Variants in CHRM3 observed in about 807,000 individuals in gnomAD.
CHRM3 encodes the protein muscarinic acetylcholine receptor M3.
CHRM3 carries 11 observed loss-of-function variants against 41.8 expected under a neutral mutation model. The ratio of observed to expected loss-of-function variants is 0.26; its 90% confidence interval spans 0.17 to 0.44. The LOEUF (loss-of-function observed/expected upper bound fraction) is 0.44, where lower values mean the gene tolerates loss of function less well. Ranked by LOEUF, CHRM3 falls within the 20% of genes least tolerant of loss-of-function variation. The pLI is 1.00. For missense variants in CHRM3, 571 were observed against 745.4 expected (o/e 0.77, Z 2.72); for synonymous variants, 297 against 301.4 (o/e 0.99, Z 0.15).
rs1233732185 is a variant in CHRM3 at position 239,824,324 on chromosome 1, C to T, written c.-146-2928C>T. ...GACCAAAGATTGCACAAGGTGGACTCGGTGCCTTCAATCGAGGTGTTTCAA... is the reference window on the plus strand; with the variant it reads ...GACCAAAGATTGCACAAGGTGGACTTGGTGCCTTCAATCGAGGTGTTTCAA... On this transcript the variant is annotated intron_variant, in intron 5 of 6. Coordinates refer to ENST00000676153, the MANE Select transcript of CHRM3 (RefSeq NM_001375978.1). Among the ~76,000 whole-genome samples, 14 of 152,258 alleles carry T rather than the reference C, an allele frequency of 9.2e-5. 1 individual carries two copies. The South Asian group carries it at 2.5e-3, about 27-fold the overall frequency.
At chr1:239,480,364 T>G (rs149528422) in intron 1 of CHRM3, among the ~76,000 whole-genome samples, 21 of 152,258 alleles carry the variant, frequency 1.4e-4, no homozygotes, top group African/African-American at 5.1e-4. Flanking sequence ...TTAAGCCCTG[T>G]GCAAAGATTG....
chr1:239,420,958 T>C (rs921780586), intron 1 of CHRM3, among the ~76,000 whole-genome samples: 1 of 152,196 alleles, frequency 6.6e-6, no homozygotes, highest in African/African-American at 2.4e-5. Flanking sequence ...GTGATTCTCC[T>C]TAAGAAATTT....
intron 5 of CHRM3, among the ~76,000 whole-genome samples, chr1:239,759,682 G>A (rs1433531849): frequency 1.3e-5 from 2 of 152,112 alleles, no homozygotes; most frequent in East Asian, 3.9e-4. Context: ...AAAAACAGAT[G>A]TGGTCATGCC....
intron 6 of CHRM3, among the ~76,000 whole-genome samples, chr1:239,842,454 C>T (rs773392262): frequency 1.3e-5 from 2 of 152,060 alleles, no homozygotes; most frequent in East Asian, 1.9e-4. Context: ...AGGTTAGTCT[C>T]GAACTCCTGA....
At chr1:239,798,225 T>C (rs1017213241) in intron 5 of CHRM3, among the ~76,000 whole-genome samples, 1 of 152,182 alleles carries the variant, frequency 6.6e-6, no homozygotes, top group Non-Finnish European at 1.5e-5. Context: ...ATATAAAATA[T>C]GCAAAATCTC....
chr1:239,896,362 A>G lies in CHRM3; in HGVS notation c.-19-11071A>G, dbSNP rs367836525. Among the ~76,000 whole-genome samples the G allele has an allele frequency of 7.9e-5, 12 of 152,356 alleles. No individual in the cohort carries two copies. The East Asian group carries it at 1.4e-3, about 17-fold the overall frequency. ...CCACTGCAATTATTTTGTTTAGTTC[A>G]TGGCATTGCCAACAAGTGGTTTTCC... On this transcript the variant is annotated intron_variant, in intron 6 of 6. Transcript: ENST00000676153.
intron 3 of CHRM3, among the ~76,000 whole-genome samples, chr1:239,584,456 T>G (rs1490859677): frequency 6.6e-6 from 1 of 152,184 alleles, no homozygotes; most frequent in Non-Finnish European, 1.5e-5. Flanking sequence ...AAGATACAAC[T>G]GATTAGCATC....
At chr1:239,869,603 G>T (rs770533330) in intron 6 of CHRM3, among the ~76,000 whole-genome samples, 7 of 152,070 alleles carry the variant, frequency 4.6e-5, no homozygotes, top group Non-Finnish European at 8.8e-5. Context: ...CCTCTGGAAT[G>T]AGCACATCCC....
chr1:239,433,747 G>T (rs1267424375), intron 1 of CHRM3, among the ~76,000 whole-genome samples: 1 of 152,086 alleles, frequency 6.6e-6, no homozygotes, highest in African/African-American at 2.4e-5. Flanking sequence ...ACTTAGAATA[G>T]TAGTCTCCAG....
chr1:239,407,586 T>C (rs1305573358), intron 1 of CHRM3, among the ~76,000 whole-genome samples: 2 of 152,010 alleles, frequency 1.3e-5, no homozygotes, highest in African/African-American at 2.4e-5. Context: ...ATTATTTCCC[T>C]CCAGGGCTTT....
At chr1:239,831,746 G>C (rs1358743112) in intron 6 of CHRM3, among the ~76,000 whole-genome samples, 2 of 152,132 alleles carry the variant, frequency 1.3e-5, no homozygotes, top group Non-Finnish European at 2.9e-5. Flanking sequence ...AGTGCCATGT[G>C]GGAGGGGAGG....
chr1:239,889,408 C>T (rs1572603916), intron 6 of CHRM3, among the ~76,000 whole-genome samples: 1 of 152,130 alleles, frequency 6.6e-6, no homozygotes, highest in East Asian at 1.9e-4. Context: ...ATAACACAAA[C>T]AGGGAAGATG....
At chr1:239,759,234 A>G (rs1483173617) in intron 5 of CHRM3, among the ~76,000 whole-genome samples, 2 of 138,410 alleles carry the variant, frequency 1.4e-5, no homozygotes, top group East Asian at 4.2e-4. Flanking sequence ...ATGCTTTAGC[A>G]GAGATGAAAC....
At chr1:239,673,033 A>G (rs190680098) in intron 4 of CHRM3, among the ~76,000 whole-genome samples, 6 of 152,264 alleles carry the variant, frequency 3.9e-5, no homozygotes, top group African/African-American at 4.8e-5. Flanking sequence ...TTCTTCCTAC[A>G]TGAGACAGAA....
intron 6 of CHRM3, among the ~76,000 whole-genome samples, chr1:239,830,479 G>A (rs990626227): frequency 1.8e-4 from 28 of 152,226 alleles, no homozygotes; most frequent in East Asian, 5.8e-4. Context: ...CGAGGCGGGC[G>A]GATCACGAGC....
At chr1:239,456,671 G>T (rs1300332238) in intron 1 of CHRM3, among the ~76,000 whole-genome samples, 4 of 152,178 alleles carry the variant, frequency 2.6e-5, no homozygotes, top group African/African-American at 9.6e-5. Context: ...GGCCCAATTG[G>T]GGTACCCTGC....
intron 5 of CHRM3, among the ~76,000 whole-genome samples, chr1:239,809,699 A>G (rs944375465): frequency 6.6e-6 from 1 of 151,734 alleles, no homozygotes; most frequent in Non-Finnish European, 1.5e-5. Context: ...GGGTCTCCCT[A>G]TGTTGCCCAG....
chr1:239,819,015 T>C (rs4439347), intron 5 of CHRM3, among the ~76,000 whole-genome samples: 1 of 152,204 alleles, frequency 6.6e-6, no homozygotes, highest in African/African-American at 2.4e-5. Context: ...TGGCCTGGTC[T>C]GCTGGGGCCT....
chr1:239,689,526 C>T (rs1659505659), intron 5 of CHRM3, among the ~76,000 whole-genome samples: 1 of 152,142 alleles, frequency 6.6e-6, no homozygotes, highest in South Asian at 2.1e-4. Flanking sequence ...TATTGCTGCA[C>T]ATTAGAAAAC....
Sources: gnomAD v4.1 joint callset for allele counts (sites outside exome capture counted in the v4.1 genomes callset) on GRCh38, gnomAD v4.1.1 for gene constraint, MANE v1.5 for transcripts, NCBI Gene and HGNC (gene_info 2026-07-23, HGNC 2026-07-21) for gene names.